SUN1: variants seen among roughly 807,000 people sequenced by gnomAD.
SUN1 encodes Sad1 and UNC84 domain containing 1, also known as SUN domain-containing protein 1.
A neutral mutation model predicts 103.2 loss-of-function variants in SUN1; 61 were observed. The observed-to-expected ratio is 0.59, with a 90% CI of 0.48 to 0.73. The LOEUF is 0.73. SUN1 is among the 30% of genes least tolerant of loss of function. The pLI, the probability that SUN1 is intolerant of heterozygous loss-of-function variation, is 0.00. For synonymous variants in SUN1, 490 were observed against 425.7 expected, an observed-to-expected ratio of 1.15 and a Z score of -1.86; for missense variants, 1,052 against 1,034.6, an observed-to-expected ratio of 1.02 and a Z score of -0.23.
intron 1 of SUN1, chr7:817,284 G>A: frequency 1.3e-6 from 1 of 782,166 alleles, no homozygotes; most frequent in Non-Finnish European, 2.1e-6. Context: ...TTGTAGGGTT[G>A]TGGTCTCTCC....
Position 817,604 on chromosome 7 carries a change from C to A in SUN1, c.-74+931C>A. 3 of 1,371,900 alleles carry A rather than the reference C, an allele frequency of 2.2e-6. No homozygotes were observed. The South Asian group carries it at 4.0e-5, about 18-fold the overall frequency. The allele number at this position is 1,371,900 out of a possible 1,614,324, so 85.0% of individuals were successfully genotyped here. Reference sequence around the variant, plus strand: ...GCTGCCCATAATTGTGTCTTCTAAGCTTCAGTCATAGTATTGCCCATGAAG... The same window carrying A: ...GCTGCCCATAATTGTGTCTTCTAAGATTCAGTCATAGTATTGCCCATGAAG... On this transcript the variant is annotated intron_variant, in intron 1 of 17. Transcript: ENST00000389574.
At position 838,705 on chromosome 7, in the gene SUN1, A is replaced by G. The variant is rs1806002658; in HGVS notation, c.78-93A>G. ...GTAATAGTTGCTCTTGAAAATCCACAGTACATTGCACTTTCAGTTTATGGT... is the reference window on the plus strand; with the variant it reads ...GTAATAGTTGCTCTTGAAAATCCACGGTACATTGCACTTTCAGTTTATGGT... On this transcript the variant is annotated intron_variant, in intron 1 of 18. Transcript: ENST00000401592. 9 of 1,277,686 alleles carry G rather than the reference A, an allele frequency of 7.0e-6. No individual in the cohort carries two copies. The South Asian group carries it at 8.3e-5, about 12-fold the overall frequency. 79.1% of individuals were successfully genotyped at this position (1,277,686 alleles called of 1,614,324 possible). A position where few individuals can be genotyped will look rare whatever the true frequency, so the allele number is the denominator to read the frequency against.
At chr7:817,851 T>TA (rs1782283647) in intron 1 of SUN1, among the ~76,000 whole-genome samples, 1 of 152,214 alleles carries the variant, frequency 6.6e-6, no homozygotes, top group Admixed American at 6.5e-5. Flanking sequence ...CTGGAAATAC[T>TA]ACTGTTTGGG....
intron 10 of SUN1, among the ~76,000 whole-genome samples, chr7:854,461 A>G (rs1304949050): frequency 6.6e-6 from 1 of 152,248 alleles, no homozygotes; most frequent in Non-Finnish European, 1.5e-5. Context: ...GTCCCATCTC[A>G]GGTGCTCAGT....
chr7:870,989 C>T (rs955569509), intron 17 of SUN1, among the ~76,000 whole-genome samples: 14 of 148,404 alleles, frequency 9.4e-5, no homozygotes, highest in Middle Eastern at 3.5e-3. Context: ...CTCCCGGGTT[C>T]AAGCGATTCT....
In SUN1 at chr7:873,600, G is replaced by A. The variant is rs1843052923; in HGVS notation, c.*269G>A. On this transcript the variant is annotated 3_prime_UTR_variant, in exon 19 of 19. Transcript: ENST00000401592. ...AGACACTCCTTGTTTTTAACGGGAA[G>A]CTCTTTGCATTTGCATTTCCTCAAC... The A allele has an allele frequency of 5.2e-6, 2 of 381,684 alleles. No individual in the cohort carries two copies. The highest frequency in any genetic ancestry group is 2.1e-5 in the African/African-American group (1 of 48,486). The allele number at this position is 381,684 out of a possible 1,614,324, so 23.6% of individuals were successfully genotyped here.
At chr7:852,742 G>A (rs1292756631) in intron 8 of SUN1, 68 bp from the exon 9 acceptor site, 1 of 1,613,272 alleles carries the variant, frequency 6.2e-7, no homozygotes, top group East Asian at 2.2e-5. Context: ...GGAAAAAAAT[G>A]AGCGTGTAAG....
At chr7:837,027 G>C (rs1381468896) in intron 1 of SUN1, among the ~76,000 whole-genome samples, 1 of 152,236 alleles carries the variant, frequency 6.6e-6, no homozygotes, top group African/African-American at 2.4e-5. Context: ...TGAGGACCTG[G>C]GGACTGCGAA....
rs186291832 is a variant in SUN1 at position 867,113 on chromosome 7, G to A, written c.1980+1046G>A. On this transcript the variant is annotated intron_variant, in intron 16 of 18. Coordinates refer to ENST00000401592, the MANE Select transcript of SUN1 (RefSeq NM_001130965.3). ...ACGTTGAGGATCACATGGGACTGTC[G>A]TCATCATGATCTCGTCCCCAGGCTG... 1.4e-3 allele frequency among the ~76,000 whole-genome samples: 214 copies of A among 152,314 alleles called. 1 individual carries two copies. The Middle Eastern group carries it at 0.037, about 27-fold the overall frequency.
chr7:853,651 G>A lies in SUN1; in HGVS notation c.1263+33G>A, dbSNP rs1372059609. ...CTGCCGGGCTACCAGGCTCCATGGT[G>A]ACACCAACGCGCTTCTGGGTGCCAT... On this transcript the variant is annotated intron_variant, in intron 10 of 18. Coordinates refer to ENST00000401592, the MANE Select transcript of SUN1 (RefSeq NM_001130965.3). 2.5e-6 allele frequency: 4 copies of A among 1,592,050 alleles called. No individual in the cohort carries two copies. In the East Asian group the frequency reaches 9.0e-5, roughly 36 times the overall value.
In SUN1 at chr7:838,838, C is replaced by T. The variant is rs1806125227; in HGVS notation, c.118C>T (p.His40Tyr). Residue 40 changes from histidine to tyrosine, a missense_variant, in exon 2 of 19, where the codon CAC becomes TAC. Around this residue, in one of 2 missense-constraint regions of SUN1, gnomAD observed 846 missense variants for 774.5 expected, o/e 1.09. Coordinates refer to ENST00000401592, the MANE Select transcript of SUN1 (RefSeq NM_001130965.3). ...SSDALDFETE[H>Y]KLDPVFDSPR... ...AGATGCTCTGGATTTTGAGACGGAGCACAAATTGGACCCTGTATTTGATTC... is the reference window on the plus strand; with the variant it reads ...AGATGCTCTGGATTTTGAGACGGAGTACAAATTGGACCCTGTATTTGATTC... 6.4e-7 allele frequency: 1 copy of T among 1,570,878 alleles called. No homozygotes were observed. The highest frequency in any genetic ancestry group is 1.2e-5 in the South Asian group (1 of 85,264).
rs760958789 is a variant in SUN1, at chr7:869,339, C to T, written c.1981-10C>T. 13 of 1,611,172 alleles carry T rather than the reference C, an allele frequency of 8.1e-6. 1 individual carries two copies. In the South Asian group the frequency reaches 1.4e-4, roughly 18 times the overall value. ...CACACTCTGAGTCCTCATGTTTTTC[C>T]TTTCCCCAGCCTGACATTTACCCCG... On this transcript the variant is annotated splice_polypyrimidine_tract_variant and intron_variant, in intron 16 of 18. Coordinates refer to ENST00000401592, the MANE Select transcript of SUN1 (RefSeq NM_001130965.3).
intron 1 of SUN1, among the ~76,000 whole-genome samples, chr7:825,897 G>GTT (rs35417722): frequency 3.8e-4 from 57 of 148,640 alleles, no homozygotes; most frequent in East Asian, 1.6e-3. Context: ...TTTAGTACTG[G>GTT]TTTTTTTTTT....
intron 1 of SUN1, chr7:817,506 G>C: frequency 6.5e-7 from 1 of 1,536,022 alleles, no homozygotes; most frequent in Admixed American, 2.0e-5. Flanking sequence ...ACAGGTGGGC[G>C]GTGCGGTCCG....
intron 9 of SUN1, 74 bp downstream of exon 9, chr7:853,026 G>T: frequency 6.6e-7 from 1 of 1,520,134 alleles, no homozygotes; most frequent in Non-Finnish European, 8.8e-7. Flanking sequence ...ACTGCTGTGA[G>T]CCAGGCACTT....
intron 11 of SUN1, 102 bp downstream of exon 11, chr7:855,108 AT>A (rs570227246): frequency 1.1e-6 from 1 of 900,364 alleles, no homozygotes; most frequent in Non-Finnish European, 1.7e-6. Context: ...TTTTTAGGCT[AT>A]TTGCTGTTTG....
At chr7:819,113 T>C (rs1035440630) in intron 1 of SUN1, among the ~76,000 whole-genome samples, 1 of 151,888 alleles carries the variant, frequency 6.6e-6, no homozygotes, top group South Asian at 2.1e-4. Flanking sequence ...TCTGCCCGCC[T>C]CGCCCTCCCA....
At chr7:851,603 G>GT in intron 6 of SUN1, 121 bp downstream of exon 6, 2 of 867,764 alleles carry the variant, frequency 2.3e-6, no homozygotes, top group Non-Finnish European at 3.6e-6. Flanking sequence ...GACCCTTGGC[G>GT]TAACGTGTCT....
chr7:817,340 C>A, intron 1 of SUN1: 1 of 1,369,580 alleles, frequency 7.3e-7, no homozygotes, highest in Non-Finnish European at 1.0e-6. Context: ...CCCCTCGCCC[C>A]AGCCTGCCTG....
Sources: allele counts gnomAD v4.1 joint callset (sites outside exome capture counted in the v4.1 genomes callset), GRCh38; gene constraint gnomAD v4.1.1; regional missense constraint gnomAD v4.1.1; transcripts MANE v1.5; gene names NCBI Gene and HGNC (gene_info 2026-07-23, HGNC 2026-07-21).